Variants in CNTN5 observed in about 807,000 individuals in gnomAD.
CNTN5 encodes contactin-5.
A neutral mutation model predicts 129.1 loss-of-function variants in CNTN5; 77 were observed. The ratio of observed to expected loss-of-function variants is 0.60; its 90% CI spans 0.50 to 0.72. The LOEUF (loss-of-function observed/expected upper bound fraction) is 0.72, where lower values mean the gene tolerates loss of function less well. Among genes scored for constraint, CNTN5 ranks in the 30% least tolerant of loss-of-function variants. The probability of loss-of-function intolerance (pLI) is 0.00; values close to 1 mark genes in which losing one functional copy is unlikely to be tolerated. For missense variants in CNTN5, 1,478 were observed against 1,328.8 expected, an observed-to-expected ratio of 1.11 and a Z score of -1.75; for synonymous variants, 509 against 465.6, an observed-to-expected ratio of 1.09 and a Z score of -1.20.
chr11:99,552,634 CAGT>C (rs1435045459), intron 2 of CNTN5, among the ~76,000 whole-genome samples: 3 of 152,074 alleles, frequency 2.0e-5, no homozygotes. Context: ...GCAGAGGACA[CAGT>C]ATGTGCTTGG....
At chr11:99,306,597 C>T (rs1407934789) in intron 1 of CNTN5, among the ~76,000 whole-genome samples, 2 of 151,714 alleles carry the variant, frequency 1.3e-5, no homozygotes, top group East Asian at 3.9e-4. Context: ...AAACAAAAAT[C>T]CTTAATCTCT....
chr11:100,042,489 A>T (rs1455529333), intron 9 of CNTN5, among the ~76,000 whole-genome samples: 3 of 152,318 alleles, frequency 2.0e-5, no homozygotes, highest in Non-Finnish European at 2.9e-5. Flanking sequence ...TCCATTAGAC[A>T]GACCTACAAT....
At chr11:99,025,638 T>G (rs1565255660) in intron 1 of CNTN5, among the ~76,000 whole-genome samples, 2 of 151,762 alleles carry the variant, frequency 1.3e-5, no homozygotes, top group Non-Finnish European at 3.0e-5. Context: ...CTAAAAATAC[T>G]GAGATGCTCT....
At chr11:100,200,735 T>A (rs540399528) in intron 15 of CNTN5, among the ~76,000 whole-genome samples, 3 of 151,858 alleles carry the variant, frequency 2.0e-5, no homozygotes, top group Non-Finnish European at 4.4e-5. Context: ...TTTAGGTTAT[T>A]GGATAGAAAA....
intron 2 of CNTN5, among the ~76,000 whole-genome samples, chr11:99,444,089 T>C (rs1943954771): frequency 6.6e-6 from 1 of 151,638 alleles, no homozygotes; most frequent in Non-Finnish European, 1.5e-5. Context: ...TCCCAGCTCT[T>C]CGGGAGGGTT....
rs141194678 is a variant in CNTN5 at position 99,234,822 on chromosome 11, C to G, written c.-209-90524C>G. ...ACAATCACTTGGTAAATAGACTCAA[C>G]TGACACAGATATCATTATGTCAATA... On this transcript the variant is annotated intron_variant, in intron 1 of 24. Transcript: ENST00000524871. Among the ~76,000 whole-genome samples, 515 of 152,168 alleles carry G rather than the reference C, an allele frequency of 3.4e-3. 2 individuals carry two copies. Among genetic ancestry groups the G allele is most frequent in the African/African-American group, 0.012 (495 of 41,536 alleles).
chr11:99,693,279 A>C (rs1954117577), intron 3 of CNTN5, among the ~76,000 whole-genome samples: 1 of 152,134 alleles, frequency 6.6e-6, no homozygotes, highest in Non-Finnish European at 1.5e-5. Context: ...ATAGTCTTTA[A>C]ATAATATTAC....
Position 99,602,178 on chromosome 11 carries a change from A to C in CNTN5, c.55+45909A>C, listed in dbSNP as rs1460102915. On this transcript the variant is annotated intron_variant, in intron 3 of 24. Coordinates refer to ENST00000524871, the MANE Select transcript of CNTN5 (RefSeq NM_014361.4). ...AGACAAAATAGTTACCATGAGATAG[A>C]GACACACTTTTATACGAATATATAT... Among the ~76,000 whole-genome samples, 3 of 152,204 alleles carry C rather than the reference A, an allele frequency of 2.0e-5. No individual in the cohort carries two copies. In the East Asian group the frequency reaches 5.8e-4, roughly 29 times the overall value.
rs541422909 is a variant in CNTN5 at position 99,812,631 on chromosome 11, A to G, written c.56-6913A>G. On this transcript the variant is annotated intron_variant, in intron 3 of 24. Transcript: ENST00000524871. ...TCACAGAGCTATTCCTCTCTTGCTC[A>G]AAGGCACAGAGATATTACGATGTGG... 3.9e-5 allele frequency among the ~76,000 whole-genome samples: 6 copies of G among 152,280 alleles called. 1 individual carries two copies. In the East Asian group the frequency reaches 1.2e-3, roughly 29 times the overall value.
chr11:99,816,999 A>C (rs1159215755), intron 3 of CNTN5, among the ~76,000 whole-genome samples: 1 of 152,162 alleles, frequency 6.6e-6, no homozygotes, highest in Non-Finnish European at 1.5e-5. Flanking sequence ...ACTGGAAAGC[A>C]TTTTCTGATG....
chr11:99,651,847 C>G (rs916294448), intron 3 of CNTN5, among the ~76,000 whole-genome samples: 3 of 151,408 alleles, frequency 2.0e-5, no homozygotes, highest in African/African-American at 7.3e-5. Context: ...ATGACTGAGA[C>G]AATAACTGAA....
rs115979305 is a variant in CNTN5 at position 99,711,097 on chromosome 11, C to T, written c.56-108447C>T. Among the ~76,000 whole-genome samples, 39 of 151,920 alleles carry T rather than the reference C, an allele frequency of 2.6e-4. 1 individual carries two copies. The highest frequency in any genetic ancestry group is 1.6e-3 in the East Asian group (8 of 5,124). On this transcript the variant is annotated intron_variant, in intron 3 of 24. Coordinates refer to ENST00000524871, the MANE Select transcript of CNTN5 (RefSeq NM_014361.4). Reference sequence around the variant, plus strand: ...CCTATATAATAACTTCTAAATTTCCCGACAGAATCGTTTCAAAACATTTTT... The same window carrying T: ...CCTATATAATAACTTCTAAATTTCCTGACAGAATCGTTTCAAAACATTTTT...
At position 99,513,662 on chromosome 11, in the gene CNTN5, A is replaced by G. The variant is rs184465027; in HGVS notation, c.-70-42483A>G. Among the ~76,000 whole-genome samples the G allele has an allele frequency of 4.1e-3, 624 of 152,148 alleles. 3 individuals are homozygous for G. The highest frequency in any genetic ancestry group is 0.014 in the African/African-American group (592 of 41,516). On this transcript the variant is annotated intron_variant, in intron 2 of 24. Transcript: ENST00000524871. The stretch of plus-strand genomic sequence containing the variant: ...ATGTAAATGGAACAAAAAAGCTTGA[A>G]TGACAGTTCACATGTTTACAGTATG...
intron 2 of CNTN5, 110 bp downstream of exon 2, chr11:99,325,594 C>T (rs901205729): frequency 3.0e-4 from 45 of 152,252 alleles, no homozygotes; most frequent in African/African-American, 1.0e-3. Context: ...GCTGAATATG[C>T]TAAAGCTTAA....
intron 1 of CNTN5, among the ~76,000 whole-genome samples, chr11:99,204,311 C>A (rs1859363309): frequency 6.6e-6 from 1 of 152,126 alleles, no homozygotes; most frequent in Admixed American, 6.5e-5. Flanking sequence ...ATATCTAGGT[C>A]TGAGAAATAC....
intron 8 of CNTN5, among the ~76,000 whole-genome samples, chr11:99,957,904 C>A (rs1045872325): frequency 1.3e-5 from 2 of 151,030 alleles, no homozygotes; most frequent in Non-Finnish European, 2.9e-5. Flanking sequence ...TATATATAAA[C>A]ATTTAAATAT....
chr11:99,094,505 T>A (rs1190670319), intron 1 of CNTN5, among the ~76,000 whole-genome samples: 1 of 151,986 alleles, frequency 6.6e-6, no homozygotes, highest in Non-Finnish European at 1.5e-5. Flanking sequence ...AAAATCTCAG[T>A]GATTAAAGTG....
At position 99,168,394 on chromosome 11, in the gene CNTN5, A is replaced by G. The variant is rs539623051; in HGVS notation, c.-210+147124A>G. ...GGAGTTCGAGACCAGCCTGGCCAACATAGTGAAACCCCGTCTGTACTAAAA... is the reference window on the plus strand; with the variant it reads ...GGAGTTCGAGACCAGCCTGGCCAACGTAGTGAAACCCCGTCTGTACTAAAA... On this transcript the variant is annotated intron_variant, in intron 1 of 24. Transcript: ENST00000524871. Among the ~76,000 whole-genome samples the G allele has an allele frequency of 5.9e-5, 9 of 152,270 alleles. No homozygotes were observed. In the East Asian group the frequency reaches 1.6e-3, roughly 26 times the overall value.
chr11:99,302,708 G>A (rs1031811526), intron 1 of CNTN5, among the ~76,000 whole-genome samples: 1 of 151,680 alleles, frequency 6.6e-6, no homozygotes, highest in East Asian at 1.9e-4. Context: ...CATTGAAAAT[G>A]AGGGAACTGC....
Sources: allele counts gnomAD v4.1 joint callset (sites outside exome capture counted in the v4.1 genomes callset), GRCh38; gene constraint gnomAD v4.1.1; transcripts MANE v1.5; gene names NCBI Gene and HGNC (gene_info 2026-07-23, HGNC 2026-07-21).